TNS3: variants seen among roughly 807,000 people sequenced by gnomAD.
TNS3 encodes the protein tensin-3.
TNS3 carries 45 observed loss-of-function variants against 140.9 expected under a neutral mutation model. The observed-to-expected ratio is 0.32, with a 90% CI of 0.25 to 0.41. TNS3 has a LOEUF of 0.41. TNS3 is among the 10% of genes least tolerant of loss of function. TNS3 has a pLI of 1.00. For missense variants in TNS3, 1,716 were observed against 1,906.7 expected (o/e 0.90, Z 1.86); for synonymous variants, 815 against 788.4 (o/e 1.03, Z -0.56).
At chr7:47,546,916 GAC>G (rs1379997432) in intron 1 of TNS3, among the ~76,000 whole-genome samples, 3 of 152,268 alleles carry the variant, frequency 2.0e-5, no homozygotes, top group Non-Finnish European at 4.4e-5. Flanking sequence ...AAATGACAAA[GAC>G]AGACGCCAGG....
intron 4 of TNS3, among the ~76,000 whole-genome samples, chr7:47,475,849 C>T (rs964346735): frequency 1.1e-4 from 17 of 152,216 alleles, no homozygotes; most frequent in African/African-American, 2.2e-4. Context: ...GACTCGCATG[C>T]GCCCTTGTTC....
intron 27 of TNS3, among the ~76,000 whole-genome samples, chr7:47,291,414 G>A (rs1051267132): frequency 5.3e-5 from 8 of 152,102 alleles, no homozygotes; most frequent in Admixed American, 3.9e-4. Context: ...TGTTGACAGC[G>A]GGGAGGCTAT....
At chr7:47,480,264 G>A (rs1797366849) in intron 4 of TNS3, among the ~76,000 whole-genome samples, 1 of 152,208 alleles carries the variant, frequency 6.6e-6, no homozygotes, top group African/African-American at 2.4e-5. Flanking sequence ...GAGAAGTACA[G>A]GGAACAACAC....
intron 1 of TNS3, among the ~76,000 whole-genome samples, chr7:47,530,838 A>AAAAAAAAAAATATATATATATATAT: frequency 1.8e-5 from 1 of 54,560 alleles, no homozygotes; most frequent in East Asian, 4.9e-4. Flanking sequence ...AAAAAAAAAA[A>AAAAAAAAAAATATATATATATATAT]ATATATATAT....
intron 27 of TNS3, among the ~76,000 whole-genome samples, chr7:47,290,550 A>T (rs1785638836): frequency 6.6e-6 from 1 of 152,238 alleles, no homozygotes; most frequent in Non-Finnish European, 1.5e-5. Flanking sequence ...GCCTTTATGG[A>T]CACCTCACCA....
At chr7:47,472,621 C>G (rs1797002082) in intron 4 of TNS3, among the ~76,000 whole-genome samples, 1 of 152,170 alleles carries the variant, frequency 6.6e-6, no homozygotes, top group Non-Finnish European at 1.5e-5. Flanking sequence ...TTCGCTTAAG[C>G]CACTCTCTAG....
intron 1 of TNS3, among the ~76,000 whole-genome samples, chr7:47,542,481 T>C (rs989492939): frequency 2.6e-5 from 4 of 152,112 alleles, no homozygotes; most frequent in East Asian, 1.9e-4. Context: ...TGCTCTGAAA[T>C]TGGGGCCACC....
Position 47,450,429 on chromosome 7 carries a change from T to C in TNS3, c.-75-8374A>G, listed in dbSNP as rs73695335. Among the ~76,000 whole-genome samples, 608 of 152,332 alleles carry C rather than the reference T, an allele frequency of 4.0e-3. 2 individuals carry two copies. The highest frequency in any genetic ancestry group is 0.014 in the African/African-American group (576 of 41,572). The stretch of plus-strand genomic sequence containing the variant: ...AGTGTGACTTGGATACACATGACTA[T>C]AAACTGTGGATTTTTCTCACCCACT... On this transcript the variant is annotated intron_variant, in intron 4 of 30. Transcript: ENST00000311160.
rs753404128 is a variant in TNS3, at chr7:47,303,100, GCTT to G, written c.3304_3306del (p.Lys1102del). 3.1e-6 allele frequency: 5 copies of G among 1,614,086 alleles called. No individual in the cohort carries two copies. The highest frequency in any genetic ancestry group is 4.2e-6 in the Non-Finnish European group (5 of 1,179,976). On this transcript the variant is annotated inframe_deletion, in exon 22 of 31. Transcript: ENST00000311160. ...AAAGAACGATCCCCCTCCGAGGCCC[GCTT>G]CTTCTCAGGGAGGGGTGGCTGCCCG...
chr7:47,489,520 T>G (rs1207703208), intron 3 of TNS3, among the ~76,000 whole-genome samples: 1 of 152,234 alleles, frequency 6.6e-6, no homozygotes, highest in Non-Finnish European at 1.5e-5. Flanking sequence ...ACTTAGGCTG[T>G]GTAGCTGTTT....
At chr7:47,298,564 T>A (rs1013856751) in intron 23 of TNS3, among the ~76,000 whole-genome samples, 1 of 152,184 alleles carries the variant, frequency 6.6e-6, no homozygotes, top group African/African-American at 2.4e-5. Flanking sequence ...GGATTTAGAG[T>A]ATAAAGTTAT....
At position 47,368,921 on chromosome 7, in the gene TNS3, C is replaced by G; in HGVS notation, c.1725G>C (p.Gln575His). The part of the protein sequence containing the change: ...PLLRKPSVSA[Q>H]MQAYGQSSYS... ...AGCTGCTCTGCCCATAGGCCTGCAT[C>G]TGGGCGGACACTGAGGGCTTTCTCA... is the stretch of plus-strand genomic sequence containing the variant. The change falls in exon 17 of 31, where the codon CAG becomes CAC. Residue 575 changes from glutamine to histidine, a missense_variant. Physicochemically the swap from Gln to His is conservative, Grantham distance 24 (BLOSUM62 0). Transcript: ENST00000311160. 1 of 1,613,410 alleles carries G rather than the reference C, an allele frequency of 6.2e-7. No homozygotes were observed.
At chr7:47,416,685 G>A (rs764576852) in intron 10 of TNS3, among the ~76,000 whole-genome samples, 4 of 152,154 alleles carry the variant, frequency 2.6e-5, no homozygotes, top group Non-Finnish European at 5.9e-5. Context: ...GCTCCCACAC[G>A]CCTCTCCTGC....
chr7:47,297,072 G>GT lies in TNS3; in HGVS notation c.3676+9dup. On this transcript the variant is annotated intron_variant, in intron 24 of 30. Coordinates refer to ENST00000311160, the MANE Select transcript of TNS3 (RefSeq NM_022748.12). Reference sequence around the variant, plus strand: ...GAGCTGAACAGATCAATAGGGAGCAGTAACCTTACCTTTCTTGTTCAGCTG... The same window carrying GT: ...GAGCTGAACAGATCAATAGGGAGCAGTTAACCTTACCTTTCTTGTTCAGCTG... The GT allele has an allele frequency of 6.2e-7, 1 of 1,614,070 alleles. No individual in the cohort carries two copies. The highest frequency in any genetic ancestry group is 8.5e-7 in the Non-Finnish European group (1 of 1,180,014).
intron 1 of TNS3, among the ~76,000 whole-genome samples, chr7:47,551,238 C>G (rs1046683790): frequency 6.6e-6 from 1 of 152,248 alleles, no homozygotes; most frequent in Non-Finnish European, 1.5e-5. Context: ...GGGCAGAAGG[C>G]TGGCCTGGTG....
intron 10 of TNS3, among the ~76,000 whole-genome samples, chr7:47,415,995 C>T (rs1037874374): frequency 6.6e-6 from 1 of 152,234 alleles, no homozygotes; most frequent in Non-Finnish European, 1.5e-5. Flanking sequence ...CTGACGCTTC[C>T]CTGGCCTGTC....
intron 4 of TNS3, among the ~76,000 whole-genome samples, chr7:47,449,952 CTG>C (rs914506804): frequency 1.3e-5 from 2 of 152,144 alleles, no homozygotes; most frequent in African/African-American, 4.8e-5. Flanking sequence ...AAACAACTAA[CTG>C]TGAATTCTCG....
intron 3 of TNS3, among the ~76,000 whole-genome samples, chr7:47,487,302 A>AG (rs1347022973): frequency 2.7e-5 from 4 of 150,912 alleles, no homozygotes; most frequent in African/African-American, 4.9e-5. Flanking sequence ...CAAAAGAAAA[A>AG]AAAAAAAGAA....
intron 1 of TNS3, among the ~76,000 whole-genome samples, chr7:47,556,349 C>T (rs1249779838): frequency 1.3e-5 from 2 of 152,172 alleles, no homozygotes; most frequent in Non-Finnish European, 2.9e-5. Context: ...TTAGAGTCCT[C>T]ATCCTGAGAC....
Sources: allele counts gnomAD v4.1 joint callset (sites outside exome capture counted in the v4.1 genomes callset), GRCh38; gene constraint gnomAD v4.1.1; transcripts MANE v1.5; gene names NCBI Gene and HGNC (gene_info 2026-07-23, HGNC 2026-07-21).